RPS6KC1: variants seen among roughly 807,000 people sequenced by gnomAD.
RPS6KC1 encodes the protein ribosomal protein S6 kinase C1.
Under a neutral mutation model 103.8 loss-of-function variants are expected in RPS6KC1, and 54 were observed. That is an observed-to-expected ratio of 0.52 (90% CI 0.42 to 0.65). RPS6KC1 has a LOEUF of 0.65. Ranked by LOEUF, RPS6KC1 falls within the 30% of genes least tolerant of loss-of-function variation. The pLI, the probability that RPS6KC1 is intolerant of heterozygous loss-of-function variation, is 0.00. For synonymous variants in RPS6KC1, 439 were observed against 438.7 expected (o/e 1.00, Z -0.01); for missense variants, 1,151 against 1,253.8 (o/e 0.92, Z 1.24).
At chr1:213,082,588 G>T (rs144692007) in intron 3 of RPS6KC1, among the ~76,000 whole-genome samples, 1 of 152,198 alleles carries the variant, frequency 6.6e-6, no homozygotes, top group East Asian at 1.9e-4. Context: ...CAACACTGTT[G>T]CCTACAGTTA....
chr1:213,847,144 T>C, the RPS6KC1 span, among the ~76,000 whole-genome samples: 64 of 152,320 alleles, frequency 4.2e-4, no homozygotes, highest in African/African-American at 1.5e-3. Flanking sequence ...TGAAGACTGA[T>C]GATACAGACC....
rs993732625 is a variant in RPS6KC1, at chr1:213,268,579, T to C, written c.3091-3945T>C. ...AATTTATTTATATATTTATATATTGTATATATAAATATATATTTTTTATTT... is the reference window on the plus strand; with the variant it reads ...AATTTATTTATATATTTATATATTGCATATATAAATATATATTTTTTATTT... On this transcript the variant is annotated intron_variant, in intron 14 of 14. Coordinates refer to ENST00000366960, the MANE Select transcript of RPS6KC1 (RefSeq NM_012424.6). 1.3e-4 allele frequency among the ~76,000 whole-genome samples: 19 copies of C among 147,894 alleles called. No homozygotes were observed. The East Asian group carries it at 2.9e-3, about 23-fold the overall frequency.
the RPS6KC1 span, among the ~76,000 whole-genome samples, chr1:213,676,618 A>C: frequency 0.07 from 10,718 of 152,168 alleles, 1,075 homozygotes; most frequent in African/African-American, 0.22. Context: ...TTCACATTGC[A>C]CCAAGTTACC....
chr1:213,222,187 CT>C (rs1413748903), intron 8 of RPS6KC1, among the ~76,000 whole-genome samples: 2 of 152,008 alleles, frequency 1.3e-5, no homozygotes, highest in Non-Finnish European at 1.5e-5. Context: ...TATTTGTTCA[CT>C]TCATGATAAT....
At chr1:213,638,561 G>GT in the RPS6KC1 span, among the ~76,000 whole-genome samples, 21,364 of 151,300 alleles carry the variant, frequency 0.14, 2,355 homozygotes, top group African/African-American at 0.31. Flanking sequence ...TTTGTTTTGG[G>GT]TTTTTTTTGC....
At chr1:213,426,300 C>T in the RPS6KC1 span, among the ~76,000 whole-genome samples, 654 of 152,212 alleles carry the variant, frequency 4.3e-3, 6 homozygotes, top group African/African-American at 0.015. Context: ...GTTGTGAGTC[C>T]TGGGGCAGGT....
At chr1:213,150,296 T>C (rs2088523516) in intron 6 of RPS6KC1, among the ~76,000 whole-genome samples, 1 of 16,842 alleles carries the variant, frequency 5.9e-5, no homozygotes, top group Non-Finnish European at 1.6e-4. Context: ...ACATTATATG[T>C]TATTTATTTA....
At chr1:213,634,719 T>TAG in the RPS6KC1 span, among the ~76,000 whole-genome samples, 3 of 148,524 alleles carry the variant, frequency 2.0e-5, no homozygotes, top group Non-Finnish European at 4.5e-5. Flanking sequence ...AGGCAAGAAA[T>TAG]AACTAAGATC....
intron 3 of RPS6KC1, among the ~76,000 whole-genome samples, chr1:213,103,111 G>C (rs1219707386): frequency 6.6e-6 from 1 of 151,566 alleles, no homozygotes; most frequent in Non-Finnish European, 1.5e-5. Context: ...GAAGTGGGAG[G>C]ATTGCTTGAG....
chr1:213,187,824 T>A (rs1475093461), intron 8 of RPS6KC1, among the ~76,000 whole-genome samples: 1 of 152,188 alleles, frequency 6.6e-6, no homozygotes, highest in Non-Finnish European at 1.5e-5. Flanking sequence ...TTCTAGTTTT[T>A]TTTCTGTCCA....
chr1:213,637,975 C>A, the RPS6KC1 span, among the ~76,000 whole-genome samples: 6 of 151,974 alleles, frequency 3.9e-5, no homozygotes, highest in Admixed American at 6.6e-5. Context: ...CACCATCACA[C>A]CTGGCTAATG....
the RPS6KC1 span, among the ~76,000 whole-genome samples, chr1:213,323,514 G>A: frequency 2.0e-5 from 3 of 152,154 alleles, no homozygotes; most frequent in Non-Finnish European, 1.5e-5. Context: ...CCCCCTTTCC[G>A]TGATCATTTC....
the RPS6KC1 span, among the ~76,000 whole-genome samples, chr1:213,419,360 C>T: frequency 1.3e-5 from 2 of 152,102 alleles, no homozygotes; most frequent in African/African-American, 4.8e-5. Flanking sequence ...TTTTTGGTGA[C>T]AAAAATAATG....
the RPS6KC1 span, among the ~76,000 whole-genome samples, chr1:213,416,468 C>T: frequency 6.6e-6 from 1 of 152,178 alleles, no homozygotes; most frequent in Non-Finnish European, 1.5e-5. Flanking sequence ...TAAAGGCAGG[C>T]TGTGAGTAGT....
the RPS6KC1 span, among the ~76,000 whole-genome samples, chr1:213,841,690 G>A: frequency 6.6e-6 from 1 of 152,246 alleles, no homozygotes; most frequent in African/African-American, 2.4e-5. Flanking sequence ...TTTGGAGGGG[G>A]AATTGTCCAA....
At chr1:213,455,892 C>T in the RPS6KC1 span, among the ~76,000 whole-genome samples, 2 of 152,268 alleles carry the variant, frequency 1.3e-5, no homozygotes, top group East Asian at 1.9e-4. Flanking sequence ...ACATCCATGA[C>T]ACTCCACTGC....
At chr1:213,503,043 T>C in the RPS6KC1 span, among the ~76,000 whole-genome samples, 1 of 152,164 alleles carries the variant, frequency 6.6e-6, no homozygotes. Context: ...TATGCTCTAT[T>C]TTCCTCTTTC....
the RPS6KC1 span, among the ~76,000 whole-genome samples, chr1:213,773,409 G>T: frequency 6.7e-6 from 1 of 149,062 alleles, no homozygotes; most frequent in African/African-American, 2.5e-5. Flanking sequence ...TATATCTATA[G>T]ATATATCTAT....
chr1:213,545,339 C>G, the RPS6KC1 span, among the ~76,000 whole-genome samples: 1 of 149,984 alleles, frequency 6.7e-6, no homozygotes, highest in Non-Finnish European at 1.5e-5. Context: ...CCACTGCACT[C>G]CAGCCTGGGA....
Sources: gnomAD v4.1 joint callset for allele counts (sites outside exome capture counted in the v4.1 genomes callset) on GRCh38, gnomAD v4.1.1 for gene constraint, MANE v1.5 for transcripts, NCBI Gene and HGNC (gene_info 2026-07-23, HGNC 2026-07-21) for gene names.